The following TENM1 variants were observed in gnomAD, a reference collection of about 807,000 sequenced individuals.
TENM1 encodes the protein teneurin-1.
A neutral mutation model predicts 174.8 loss-of-function variants in TENM1; 35 were observed. The ratio of observed to expected loss-of-function variants is 0.20; its 90% CI spans 0.15 to 0.27. The LOEUF is 0.27. TENM1 is among the 10% of genes least tolerant of loss of function. TENM1 has a pLI of 1.00. For missense variants in TENM1, 1,633 were observed against 2,130.1 expected (o/e 0.77, Z 4.59); for synonymous variants, 781 against 798.7 (o/e 0.98, Z 0.37).
At chrX:125,185,501 T>TA in the TENM1 span, among the ~76,000 whole-genome samples, 2 of 112,383 alleles carry the variant, frequency 1.8e-5, no homozygotes, top group African/African-American at 3.2e-5. Context: ...AAATAGACTT[T>TA]AAAAATTTTA....
At chrX:125,094,833 C>T in the TENM1 span, among the ~76,000 whole-genome samples, 2 of 112,002 alleles carry the variant, frequency 1.8e-5, no homozygotes, top group African/African-American at 6.5e-5. Context: ...TTGTCAGAAC[C>T]TTGTGCAAAT....
the TENM1 span, among the ~76,000 whole-genome samples, chrX:125,028,473 TAAA>T: frequency 8.9e-6 from 1 of 111,733 alleles, no homozygotes; most frequent in Non-Finnish European, 1.9e-5. Flanking sequence ...AAGTGGGAGT[TAAA>T]TGATGAGAAC....
chrX:125,022,144 G>A, the TENM1 span, among the ~76,000 whole-genome samples: 2 of 112,019 alleles, frequency 1.8e-5, no homozygotes, highest in African/African-American at 6.5e-5. Context: ...ACATTAATAT[G>A]TGCCTCATTT....
chrX:125,149,940 G>A, the TENM1 span, among the ~76,000 whole-genome samples: 2 of 111,294 alleles, frequency 1.8e-5, no homozygotes, highest in Non-Finnish European at 3.8e-5. Context: ...TTCTAATTTT[G>A]GAGCCTAATT....
chrX:124,828,147 A>G (rs1483428032), intron 3 of TENM1, among the ~76,000 whole-genome samples: 1 of 112,348 alleles, frequency 8.9e-6, no homozygotes, highest in Non-Finnish European at 1.9e-5. Context: ...AACAGGTTTT[A>G]ACAAACATTT....
the TENM1 span, among the ~76,000 whole-genome samples, chrX:125,039,644 G>A: frequency 9.0e-6 from 1 of 111,522 alleles, no homozygotes; most frequent in Non-Finnish European, 1.9e-5. Context: ...ACTGGATGCT[G>A]TTATTTAGTG....
At chrX:125,111,639 AC>A in the TENM1 span, among the ~76,000 whole-genome samples, 1 of 111,765 alleles carries the variant, frequency 8.9e-6, no homozygotes. Flanking sequence ...ACTGCATTTT[AC>A]AGAAAAATAA....
the TENM1 span, among the ~76,000 whole-genome samples, chrX:125,176,615 T>C: frequency 4.5e-5 from 5 of 111,435 alleles, no homozygotes; most frequent in African/African-American, 1.6e-4. Context: ...AGAACATTCT[T>C]GACAGGCTTC....
At chrX:124,668,060 T>G (rs970685437) in intron 6 of TENM1, among the ~76,000 whole-genome samples, 37 of 112,037 alleles carry the variant, frequency 3.3e-4, no homozygotes, top group Non-Finnish European at 4.3e-4. Context: ...AAATGTCTTC[T>G]TTTGAGAAGT....
At chrX:124,587,618 C>T (rs902094347) in intron 11 of TENM1, among the ~76,000 whole-genome samples, 11 of 111,129 alleles carry the variant, frequency 9.9e-5, no homozygotes, top group Admixed American at 4.8e-4. Context: ...CCATTCAGGA[C>T]ATAGGCATGG....
intron 25 of TENM1, among the ~76,000 whole-genome samples, chrX:124,409,132 G>A (rs1033967683): frequency 9.1e-6 from 1 of 109,747 alleles, no homozygotes; most frequent in African/African-American, 3.3e-5. Context: ...ATAAACATAC[G>A]TGTGCATGTG....
Position 124,498,272 on chromosome X carries a change from C to T in TENM1, c.3446-1007G>A, listed in dbSNP as rs192127935. On this transcript the variant is annotated intron_variant, in intron 19 of 31. Transcript: ENST00000422452. ...TGTGTTGAAACCAGTTCTTTCTCCC[C>T]TATTCCTACATTAGTTTAGTTTTTC... Among the ~76,000 whole-genome samples the T allele has an allele frequency of 1.2e-3, 137 of 111,397 alleles. 1 individual carries two copies. The highest frequency in any genetic ancestry group is 4.2e-3 in the African/African-American group (130 of 30,713).
At position 124,389,471 on chromosome X, in the gene TENM1, A is replaced by G. The variant is rs761264287; in HGVS notation, c.5688+2581T>C. 1.6e-3 allele frequency among the ~76,000 whole-genome samples: 185 copies of G among 112,665 alleles called. 2 individuals carry two copies. The Middle Eastern group carries it at 0.028, about 17-fold the overall frequency. ...CCACAAAGGCCATATTAATGAGAGG[A>G]CTGGAAAGAACACAAGGAGATACAA... On this transcript the variant is annotated intron_variant, in intron 28 of 31. Coordinates refer to ENST00000422452, the Ensembl canonical transcript of TENM1.
At chrX:124,630,881 T>G (rs911236442) in intron 11 of TENM1, among the ~76,000 whole-genome samples, 1 of 112,274 alleles carries the variant, frequency 8.9e-6, no homozygotes, top group Non-Finnish European at 1.9e-5. Context: ...AGGTTTCATG[T>G]GGGTTTAGGG....
At chrX:124,616,794 G>A (rs1475561489) in intron 11 of TENM1, among the ~76,000 whole-genome samples, 1 of 111,739 alleles carries the variant, frequency 8.9e-6, no homozygotes. Context: ...TGGATCAGTG[G>A]AAGACCTTAC....
intron 3 of TENM1, among the ~76,000 whole-genome samples, chrX:124,860,854 C>T (rs1456474730): frequency 1.8e-5 from 2 of 111,315 alleles, no homozygotes; most frequent in East Asian, 2.8e-4. Context: ...CTTGGGAGAA[C>T]GTGATAAAAA....
the TENM1 span, among the ~76,000 whole-genome samples, chrX:125,070,032 A>T: frequency 1.8e-5 from 2 of 110,020 alleles, no homozygotes; most frequent in Admixed American, 9.8e-5. Flanking sequence ...CTACAAAAAA[A>T]TTTTAAAAAT....
intron 3 of TENM1, among the ~76,000 whole-genome samples, chrX:124,838,690 A>G (rs917871843): frequency 1.3e-4 from 15 of 111,283 alleles, no homozygotes; most frequent in Admixed American, 7.7e-4. Context: ...ATTAGACTGA[A>G]AGAAAATAAT....
intron 3 of TENM1, among the ~76,000 whole-genome samples, chrX:124,761,521 C>T (rs981688265): frequency 1.1e-4 from 9 of 80,524 alleles, no homozygotes; most frequent in African/African-American, 4.7e-4. Flanking sequence ...GAGCGGGGAA[C>T]ATCACACACT....
Sources: allele counts gnomAD v4.1 joint callset (sites outside exome capture counted in the v4.1 genomes callset), GRCh38; gene constraint gnomAD v4.1.1; transcripts MANE v1.5; gene names NCBI Gene and HGNC (gene_info 2026-07-23, HGNC 2026-07-21).